KALRN: variants seen among roughly 807,000 people sequenced by gnomAD.
KALRN encodes the protein kalirin RhoGEF kinase, also known as kalirin.
Under a neutral mutation model 353.7 loss-of-function variants are expected in KALRN, and 70 were observed. That is an observed-to-expected ratio of 0.20 (90% CI 0.16 to 0.24). The LOEUF (loss-of-function observed/expected upper bound fraction) is 0.24. KALRN is among the 10% of genes least tolerant of loss of function. KALRN has a pLI of 1.00. For synonymous variants in KALRN, 1,391 were observed against 1,434.8 expected (o/e 0.97, Z 0.69); for missense variants, 2,791 against 3,756.7 (o/e 0.74, Z 6.72).
chr3:124,483,831 G>A (rs2062251096), intron 28 of KALRN, among the ~76,000 whole-genome samples: 1 of 152,122 alleles, frequency 6.6e-6, no homozygotes, highest in South Asian at 2.1e-4. Flanking sequence ...AACCAAATAT[G>A]CAAAACACTA....
chr3:124,348,502 G>A (rs546077654), intron 10 of KALRN, among the ~76,000 whole-genome samples: 1 of 152,348 alleles, frequency 6.6e-6, no homozygotes, highest in East Asian at 1.9e-4. Context: ...GACCATGTCA[G>A]TGGCGACCTG....
At chr3:124,607,996 A>C (rs2077531260) in intron 34 of KALRN, among the ~76,000 whole-genome samples, 1 of 147,366 alleles carries the variant, frequency 6.8e-6, no homozygotes, top group South Asian at 2.2e-4. Flanking sequence ...CAAATTTATA[A>C]TCTCTCTTTT....
At position 124,361,880 on chromosome 3, in the gene KALRN, G is replaced by A. The variant is rs9847472; in HGVS notation, c.1770+14615G>A. On this transcript the variant is annotated intron_variant, in intron 10 of 59. Transcript: ENST00000682506. The stretch of plus-strand genomic sequence containing the variant: ...TGATGGTGGCAGCAGCGGTGGTGGG[G>A]AGAGCTTCAGAACAGTAACATTTGT... 9.4e-3 allele frequency among the ~76,000 whole-genome samples: 1,431 copies of A among 152,026 alleles called. 21 individuals are homozygous for A. The highest frequency in any genetic ancestry group is 0.032 in the African/African-American group (1,338 of 41,396).
chr3:124,281,282 T>A (rs1343671859), intron 5 of KALRN, among the ~76,000 whole-genome samples: 3 of 152,222 alleles, frequency 2.0e-5, no homozygotes, highest in Non-Finnish European at 4.4e-5. Context: ...ATATACTCTG[T>A]AACATATGCG....
Position 124,578,185 on chromosome 3 carries a change from T to C in KALRN, c.5182+15096T>C, listed in dbSNP as rs2074298032. 5.3e-5 allele frequency among the ~76,000 whole-genome samples: 8 copies of C among 152,240 alleles called. No individual in the cohort carries two copies. The South Asian group carries it at 1.7e-3, about 32-fold the overall frequency. On this transcript the variant is annotated intron_variant, in intron 34 of 59. Coordinates refer to ENST00000682506, the MANE Select transcript of KALRN (RefSeq NM_001388419.1). ...TTCCTTATAAACTCCCATGTATAGG[T>C]TAGCTTAGTGACTTACAAATAGTAA...
At chr3:124,340,483 A>G (rs1336605935) in intron 9 of KALRN, among the ~76,000 whole-genome samples, 1 of 152,114 alleles carries the variant, frequency 6.6e-6, no homozygotes, top group Non-Finnish European at 1.5e-5. Context: ...AGACTGTGCC[A>G]TTACACTCCA....
Position 124,477,321 on chromosome 3 carries a change from G to A in KALRN, c.4178G>A (p.Gly1393Asp). The A allele has an allele frequency of 6.2e-7, 1 of 1,612,846 alleles. No homozygotes were observed. Among genetic ancestry groups the A allele is most frequent in the Non-Finnish European group, 8.5e-7 (1 of 1,178,990 alleles). Residue 1393 changes from glycine (G) to aspartate (D), a missense_variant, in exon 27 of 60, where the codon GGC becomes GAC. Physicochemically the swap from Gly to Asp is moderately conservative, Grantham distance 94 (BLOSUM62 -1). Transcript: ENST00000682506. ...AACCAGCTTATCCTGGAGCATGCGG[G>A]CACCTTCTTTGATGTAAGCTGTGTT... ...DSNQLILEHA[G>D]TFFDEIQQRH...
chr3:124,257,900 C>T (rs192639636), intron 3 of KALRN, among the ~76,000 whole-genome samples: 6 of 152,306 alleles, frequency 3.9e-5, no homozygotes, highest in African/African-American at 7.2e-5. Flanking sequence ...CCTATGCCCC[C>T]GTCCTCACCA....
chr3:124,302,941 T>C (rs1197628137), intron 6 of KALRN, among the ~76,000 whole-genome samples: 2 of 152,204 alleles, frequency 1.3e-5, no homozygotes, highest in African/African-American at 4.8e-5. Flanking sequence ...TTAACTTAAT[T>C]ACCTATTTAA....
intron 2 of KALRN, among the ~76,000 whole-genome samples, chr3:124,230,539 G>T (rs975764135): frequency 6.6e-6 from 1 of 152,172 alleles, no homozygotes; most frequent in South Asian, 2.1e-4. Context: ...TTCTCAAGTG[G>T]TAGGGGCTTG....
chr3:124,687,324 C>T (rs188544077), intron 51 of KALRN, among the ~76,000 whole-genome samples: 27 of 152,270 alleles, frequency 1.8e-4, no homozygotes, highest in Admixed American at 1.8e-3. Context: ...ACTGCATCCT[C>T]CTCAGCCCCC....
In KALRN at chr3:124,240,518, G is replaced by A. The variant is rs561473155; in HGVS notation, c.263+5575G>A. On this transcript the variant is annotated intron_variant, in intron 3 of 59. Transcript: ENST00000682506. ...AGCTTTGTGAGAGGCTGCCTGACAG[G>A]AACTGTGGCCTTCAGTGGAAGATGC... is the stretch of plus-strand genomic sequence containing the variant. Among the ~76,000 whole-genome samples, 15 of 152,250 alleles carry A rather than the reference G, an allele frequency of 9.9e-5. No homozygotes were observed. In the East Asian group the frequency reaches 2.9e-3, roughly 29 times the overall value.
At chr3:124,572,567 T>C (rs948140379) in intron 34 of KALRN, among the ~76,000 whole-genome samples, 1 of 152,192 alleles carries the variant, frequency 6.6e-6, no homozygotes, top group African/African-American at 2.4e-5. Context: ...TTCCTGGGTT[T>C]AGCTTCCACA....
At chr3:124,716,718 A>C (rs1039479821) in intron 58 of KALRN, among the ~76,000 whole-genome samples, 1 of 152,200 alleles carries the variant, frequency 6.6e-6, no homozygotes, top group Non-Finnish European at 1.5e-5. Flanking sequence ...AAGCAAGAGG[A>C]TCACTTGAGT....
chr3:124,681,460 C>T (rs559073002), intron 51 of KALRN, among the ~76,000 whole-genome samples: 1 of 152,080 alleles, frequency 6.6e-6, no homozygotes, highest in African/African-American at 2.4e-5. Flanking sequence ...GATGCATGTC[C>T]GAAAAGTTTT....
chr3:124,605,943 C>T (rs1180596687), intron 34 of KALRN, among the ~76,000 whole-genome samples: 6 of 152,086 alleles, frequency 3.9e-5, no homozygotes, highest in African/African-American at 9.7e-5. Context: ...TAATGCTTGC[C>T]GCAGCTTTTT....
intron 1 of KALRN, chr3:124,162,947 T>G (rs1294453376): frequency 6.6e-6 from 1 of 152,212 alleles, no homozygotes; most frequent in African/African-American, 2.4e-5. Flanking sequence ...CTTCTAGCAC[T>G]CTGAATTCCC....
chr3:124,566,984 A>G (rs780959450), intron 34 of KALRN, among the ~76,000 whole-genome samples: 26 of 152,170 alleles, frequency 1.7e-4, no homozygotes, highest in Non-Finnish European at 3.4e-4. Context: ...GCACCTTGTG[A>G]GTGCTCAGGC....
intron 6 of KALRN, among the ~76,000 whole-genome samples, chr3:124,315,717 T>A (rs1294678324): frequency 6.6e-6 from 1 of 152,138 alleles, no homozygotes; most frequent in Non-Finnish European, 1.5e-5. Flanking sequence ...CCGTCAGGTC[T>A]GCATTTGCTA....
Sources: allele counts gnomAD v4.1 joint callset (sites outside exome capture counted in the v4.1 genomes callset), GRCh38; gene constraint gnomAD v4.1.1; transcripts MANE v1.5; gene names NCBI Gene and HGNC (gene_info 2026-07-23, HGNC 2026-07-21).